Variants in ATP6V0D2 observed in about 807,000 individuals in gnomAD.
The protein encoded by ATP6V0D2 is V-type proton ATPase subunit d 2.
A neutral mutation model predicts 40.0 loss-of-function variants in ATP6V0D2; 40 were observed. That is an observed-to-expected ratio of 1.00 (90% CI 0.78 to 1.30). The LOEUF (loss-of-function observed/expected upper bound fraction) is 1.30, where lower values mean the gene tolerates loss of function less well. Among genes scored for constraint, ATP6V0D2 ranks in the 50% most tolerant of loss-of-function variants. The probability of loss-of-function intolerance (pLI) is 0.00; values close to 1 mark genes in which losing one functional copy is unlikely to be tolerated. For synonymous variants in ATP6V0D2, 179 were observed against 156.3 expected (o/e 1.15, Z -1.08); for missense variants, 470 against 423.1 (o/e 1.11, Z -0.97).
intron 1 of ATP6V0D2, 90 bp from the exon 2 acceptor site, chr8:86,113,602 AATACATATGTATGTAAC>A: frequency 1.1e-6 from 1 of 932,572 alleles, no homozygotes; most frequent in Non-Finnish European, 1.6e-6. Context: ...CTAATAAGAT[AATACATATGTATGTAAC>A]ACAAAATTAG....
At chr8:86,124,974 T>C (rs966538271) in intron 2 of ATP6V0D2, among the ~76,000 whole-genome samples, 1 of 152,074 alleles carries the variant, frequency 6.6e-6, no homozygotes, top group Non-Finnish European at 1.5e-5. Flanking sequence ...CCTGTGTGAG[T>C]GAGAAAAGGT....
intron 2 of ATP6V0D2, among the ~76,000 whole-genome samples, chr8:86,133,685 AC>A (rs1351430191): frequency 2.6e-5 from 4 of 151,704 alleles, no homozygotes; most frequent in African/African-American, 9.7e-5. Flanking sequence ...AAAAACTGCA[AC>A]CCCACCCCTG....
chr8:86,149,024 A>G (rs1337070852), intron 5 of ATP6V0D2, among the ~76,000 whole-genome samples: 1 of 135,898 alleles, frequency 7.4e-6, no homozygotes. Flanking sequence ...TCCAGCCTGG[A>G]TGACAGAGTG....
At chr8:86,152,721 AG>A in intron 7 of ATP6V0D2, 94 bp from the exon 8 acceptor site, 1 of 1,246,988 alleles carries the variant, frequency 8.0e-7, no homozygotes, top group Middle Eastern at 2.0e-4. Context: ...AACACAAATA[AG>A]CACTGCACAA....
At chr8:86,125,898 A>G (rs1818735369) in intron 2 of ATP6V0D2, among the ~76,000 whole-genome samples, 2 of 150,170 alleles carry the variant, frequency 1.3e-5, no homozygotes, top group South Asian at 4.2e-4. Context: ...TTTATTTAAT[A>G]TATTTTTAAT....
chr8:86,139,456 G>C lies in ATP6V0D2; in HGVS notation c.303-1G>C, dbSNP rs10093178. The C allele has an allele frequency of 6.2e-7, 1 of 1,600,738 alleles. No individual in the cohort carries two copies. The highest frequency in any genetic ancestry group is 2.2e-5 in the East Asian group (1 of 44,734). On this transcript the variant is annotated splice_acceptor_variant, in intron 2 of 7. Transcript: ENST00000285393. LOFTEE classifies it high-confidence loss of function. Reference sequence around the variant, plus strand: ...AATGATTGAGTTGTCTTCTGAACCAGGTGCAGTTATATGATAGACAATGTG... The same window carrying C: ...AATGATTGAGTTGTCTTCTGAACCACGTGCAGTTATATGATAGACAATGTG...
chr8:86,101,580 G>T (rs1356159306), intron 1 of ATP6V0D2, among the ~76,000 whole-genome samples: 3 of 152,004 alleles, frequency 2.0e-5, no homozygotes, highest in Non-Finnish European at 2.9e-5. Context: ...ACTTGTCGAG[G>T]GAAGGGGATA....
intron 2 of ATP6V0D2, among the ~76,000 whole-genome samples, chr8:86,133,774 G>A (rs1324920089): frequency 2.6e-5 from 4 of 152,120 alleles, no homozygotes; most frequent in African/African-American, 4.8e-5. Context: ...TGAGCGGGAA[G>A]CTGGGCCTTT....
At chr8:86,120,607 G>T (rs2130247788) in intron 2 of ATP6V0D2, among the ~76,000 whole-genome samples, 1 of 152,090 alleles carries the variant, frequency 6.6e-6, no homozygotes, top group South Asian at 2.1e-4. Context: ...TCTTCCATTA[G>T]CCACAGTCTC....
intron 2 of ATP6V0D2, 93 bp from the exon 3 acceptor site, chr8:86,139,364 G>C: frequency 2.8e-6 from 3 of 1,063,914 alleles, no homozygotes; most frequent in South Asian, 3.5e-5. Flanking sequence ...GAATGAAACA[G>C]TGTGTACCTA....
In ATP6V0D2 at chr8:86,126,848, A is replaced by T. The variant is rs187709309; in HGVS notation, c.303-12609A>T. On this transcript the variant is annotated intron_variant, in intron 2 of 7. Transcript: ENST00000285393. ...GACAAGTTAAGTTTGAAGAATTTTT[A>T]ATCTAAACAGTTGGGTTAGACCAAG... 1.3e-3 allele frequency among the ~76,000 whole-genome samples: 191 copies of T among 152,296 alleles called. 3 individuals carry two copies. Among genetic ancestry groups the T allele is most frequent in the African/African-American group, 4.4e-3 (183 of 41,572 alleles).
chr8:86,128,255 A>G (rs1256782644), intron 2 of ATP6V0D2, among the ~76,000 whole-genome samples: 2 of 152,178 alleles, frequency 1.3e-5, no homozygotes. Context: ...AGGCTGAGGC[A>G]GGAGAATCAC....
rs544470823 is a variant in ATP6V0D2 at position 86,134,196 on chromosome 8, A to C, written c.303-5261A>C. Among the ~76,000 whole-genome samples the C allele has an allele frequency of 3.9e-3, 599 of 152,328 alleles. 1 individual carries two copies. The highest frequency in any genetic ancestry group is 6.9e-3 in the Non-Finnish European group (471 of 68,028). Reference sequence around the variant, plus strand: ...TCAAGCACTAAAGACAAGAAAAAAAAATAGCATTTTGTATTCAGTGAAAAT... The same window carrying C: ...TCAAGCACTAAAGACAAGAAAAAAACATAGCATTTTGTATTCAGTGAAAAT... On this transcript the variant is annotated intron_variant, in intron 2 of 7. Coordinates refer to ENST00000285393, the MANE Select transcript of ATP6V0D2 (RefSeq NM_152565.1).
chr8:86,118,423 T>C (rs986681574), intron 2 of ATP6V0D2, among the ~76,000 whole-genome samples: 2 of 151,940 alleles, frequency 1.3e-5, no homozygotes, highest in African/African-American at 2.4e-5. Context: ...TTTGTTGGTA[T>C]CTGCAAGGCC....
intron 3 of ATP6V0D2, among the ~76,000 whole-genome samples, chr8:86,140,187 C>A (rs1436197939): frequency 6.6e-6 from 1 of 152,074 alleles, no homozygotes; most frequent in Non-Finnish European, 1.5e-5. Context: ...TAATTTGGCA[C>A]TAACAAGAGT....
chr8:86,110,833 A>T (rs1177506055), intron 1 of ATP6V0D2, among the ~76,000 whole-genome samples: 1 of 152,030 alleles, frequency 6.6e-6, no homozygotes, highest in Non-Finnish European at 1.5e-5. Flanking sequence ...AAGATTCTTT[A>T]CTCTGGGATA....
At chr8:86,149,878 G>T (rs1270503981) in intron 5 of ATP6V0D2, among the ~76,000 whole-genome samples, 1 of 151,988 alleles carries the variant, frequency 6.6e-6, no homozygotes, top group African/African-American at 2.4e-5. Flanking sequence ...ATCTTACTGG[G>T]GTTTCAGGAG....
Position 86,142,867 on chromosome 8 carries a change from T to G in ATP6V0D2, c.562-10T>G, listed in dbSNP as rs1818994717. ...CATTATATCACTTTATGATCTTTTT[T>G]CTTTTTAAGTCTTACCTTGAGGCAT... On this transcript the variant is annotated splice_polypyrimidine_tract_variant and intron_variant, in intron 4 of 7. Coordinates refer to ENST00000285393, the MANE Select transcript of ATP6V0D2 (RefSeq NM_152565.1). The G allele has an allele frequency of 6.4e-7, 1 of 1,554,946 alleles. No homozygotes were observed. The highest frequency in any genetic ancestry group is 1.4e-5 in the African/African-American group (1 of 73,396).
intron 2 of ATP6V0D2, among the ~76,000 whole-genome samples, chr8:86,126,262 A>ATATATATATATATATATATATATT (rs1191399026): frequency 7.6e-6 from 1 of 131,336 alleles, no homozygotes; most frequent in Non-Finnish European, 1.7e-5. Context: ...ATATATATAT[A>ATATATATATATATATATATATATT]TCTTTTTGTA....
Sources: gnomAD v4.1 joint callset for allele counts (sites outside exome capture counted in the v4.1 genomes callset) on GRCh38, gnomAD v4.1.1 for gene constraint, MANE v1.5 for transcripts, NCBI Gene and HGNC (gene_info 2026-07-23, HGNC 2026-07-21) for gene names.